ATP13A3: variants seen among roughly 807,000 people sequenced by gnomAD.
ATP13A3 encodes the protein polyamine-transporting ATPase 13A3.
Under a neutral mutation model 158.1 loss-of-function variants are expected in ATP13A3, and 59 were observed. The ratio of observed to expected loss-of-function variants is 0.37; its 90% confidence interval spans 0.30 to 0.46. The LOEUF (loss-of-function observed/expected upper bound fraction) is 0.46. Ranked by LOEUF, ATP13A3 falls within the 20% of genes least tolerant of loss-of-function variation. ATP13A3 has a pLI of 1.00. For synonymous variants in ATP13A3, 491 were observed against 504.3 expected (o/e 0.97, Z 0.35); for missense variants, 1,166 against 1,525.2 (o/e 0.76, Z 3.92).
In ATP13A3 at chr3:194,453,690, A is replaced by C. The variant is rs545696492; in HGVS notation, c.838+16T>G. ...GTATCTTTTTTGATTTATTCTTCCA[A>C]CATTCAATTACTTACCTTCATTTAC... On this transcript the variant is annotated intron_variant, in intron 10 of 33. Transcript: ENST00000645319. The C allele has an allele frequency of 6.3e-7, 1 of 1,598,470 alleles. No individual in the cohort carries two copies. Among genetic ancestry groups the C allele is most frequent in the African/African-American group, 1.3e-5 (1 of 74,634 alleles).
At chr3:194,434,652 C>T (rs551743028) in intron 20 of ATP13A3, among the ~76,000 whole-genome samples, 1 of 152,284 alleles carries the variant, frequency 6.6e-6, no homozygotes, top group East Asian at 1.9e-4. Context: ...CATTGTAGCT[C>T]ATGCCTGTAA....
At chr3:194,440,060 G>A (rs775403119) in intron 16 of ATP13A3, among the ~76,000 whole-genome samples, 3 of 152,132 alleles carry the variant, frequency 2.0e-5, no homozygotes, top group Admixed American at 6.5e-5. Flanking sequence ...CAAAATGTGG[G>A]TAGGGAGGGA....
chr3:194,459,663 T>C, intron 5 of ATP13A3, 122 bp from the exon 6 acceptor site: 1 of 1,142,128 alleles, frequency 8.8e-7, no homozygotes, highest in Admixed American at 2.6e-5. Flanking sequence ...TAATATGTAA[T>C]ATTTTATATG....
chr3:194,405,789 T>TC lies in ATP13A3; in HGVS notation c.*129dup. 1.4e-5 allele frequency: 13 copies of TC among 906,304 alleles called. No homozygotes were observed. The highest frequency in any genetic ancestry group is 2.0e-5 in the Non-Finnish European group (12 of 592,978). The allele number at this position is 906,304 out of a possible 1,614,324, so 56.1% of individuals were successfully genotyped here. On this transcript the variant is annotated 3_prime_UTR_variant, in exon 34 of 34. Coordinates refer to ENST00000645319, the MANE Select transcript of ATP13A3 (RefSeq NM_001367549.1). ...TTTATTTTAAGGAAGAGCAAAGCTGTCAAATAAGCTACTATATCAGAAGGG... is the reference window on the plus strand; with the variant it reads ...TTTATTTTAAGGAAGAGCAAAGCTGTCCAAATAAGCTACTATATCAGAAGGG...
In ATP13A3 at chr3:194,426,163, G is replaced by T. The variant is rs548145261; in HGVS notation, c.3126-634C>A. ...AGACTATGCTGCAAGTGAACTATGG[G>T]AAGATTCTCAAGAAAATTCCACCTC... On this transcript the variant is annotated intron_variant, in intron 29 of 33. Coordinates refer to ENST00000645319, the MANE Select transcript of ATP13A3 (RefSeq NM_001367549.1). Among the ~76,000 whole-genome samples, 12 of 151,958 alleles carry T rather than the reference G, an allele frequency of 7.9e-5. No homozygotes were observed. In the South Asian group the frequency reaches 2.5e-3, roughly 32 times the overall value.
rs1718550051 is a variant in ATP13A3 at position 194,448,337 on chromosome 3, C to T, written c.1150+120G>A. ...TCATGATCCGCCCACCTCGGCTTCC[C>T]AAAGTGCTGGGATTACAGGCGTTAG... On this transcript the variant is annotated intron_variant, in intron 12 of 33. Transcript: ENST00000645319. The surrounding 1 kb of genome is among the most constrained non-coding windows in gnomAD (Gnocchi z 4.0). The T allele has an allele frequency of 2.4e-6, 3 of 1,228,942 alleles. No individual in the cohort carries two copies. In the African/African-American group the frequency reaches 4.6e-5, roughly 19 times the overall value. 76.1% of individuals were successfully genotyped at this position (1,228,942 alleles called of 1,614,324 possible). A position where few individuals can be genotyped will look rare whatever the true frequency, so the allele number is the denominator to read the frequency against.
chr3:194,475,617 A>C (rs1720493595), intron 2 of ATP13A3, among the ~76,000 whole-genome samples: 1 of 152,214 alleles, frequency 6.6e-6, no homozygotes, highest in African/African-American at 2.4e-5. Context: ...CTATTGAAGA[A>C]GTTAATCACC....
At chr3:194,434,791 G>A (rs1717501557) in intron 20 of ATP13A3, among the ~76,000 whole-genome samples, 1 of 152,264 alleles carries the variant, frequency 6.6e-6, no homozygotes, top group South Asian at 2.1e-4. Context: ...ATGATGACAT[G>A]TGCCTGCAGT....
At chr3:194,406,171 C>T (rs1714915180) in intron 33 of ATP13A3, 55 bp from the exon 34 acceptor site, 1 of 1,569,820 alleles carries the variant, frequency 6.4e-7, no homozygotes, top group South Asian at 1.1e-5. Flanking sequence ...AAAGGCTTGT[C>T]GTTTTAAACA....
chr3:194,413,897 C>T (rs1212927489), intron 31 of ATP13A3, 58 bp from the exon 32 acceptor site: 4 of 1,401,466 alleles, frequency 2.9e-6, no homozygotes, highest in Non-Finnish European at 4.0e-6. Context: ...TATTATAGCA[C>T]TGTATCATAA....
chr3:194,455,950 A>G lies in ATP13A3; in HGVS notation c.573T>C (p.Tyr191=), dbSNP rs761614766. ...CTTTTACAGCAATTTCATTTACTCC[A>G]TAAAGCAGTTTTCTATAACAGGAAA... ...KGMHAYRKLL[Y]GVNEIAVKVP... Residue 191 remains tyrosine (Y), a synonymous_variant, in exon 8 of 34, where the codon TAT becomes TAC. Coordinates refer to ENST00000645319, the MANE Select transcript of ATP13A3 (RefSeq NM_001367549.1). The G allele has an allele frequency of 1.0e-5, 16 of 1,547,232 alleles. No homozygotes were observed. In the Admixed American group the frequency reaches 2.6e-4, roughly 25 times the overall value.
chr3:194,466,364 A>C (rs1719988727), intron 2 of ATP13A3, among the ~76,000 whole-genome samples: 2 of 152,344 alleles, frequency 1.3e-5, no homozygotes, highest in South Asian at 4.1e-4. Context: ...AATGAAAGAA[A>C]ACGGGGAGGA....
At chr3:194,472,488 T>C (rs1441709593) in intron 2 of ATP13A3, among the ~76,000 whole-genome samples, 1 of 152,188 alleles carries the variant, frequency 6.6e-6, no homozygotes, top group Non-Finnish European at 1.5e-5. Context: ...CACTAGGGGA[T>C]GTTCCAACAT....
intron 2 of ATP13A3, among the ~76,000 whole-genome samples, chr3:194,478,911 T>C (rs1272250646): frequency 6.6e-6 from 1 of 152,088 alleles, no homozygotes; most frequent in Non-Finnish European, 1.5e-5. Context: ...AAAACACTAT[T>C]AAATAGTTAG....
chr3:194,418,193 A>G (rs1716028928), intron 31 of ATP13A3, among the ~76,000 whole-genome samples: 1 of 152,234 alleles, frequency 6.6e-6, no homozygotes, highest in Non-Finnish European at 1.5e-5. Context: ...AAAGCTATAC[A>G]TAAAATTAAT....
At chr3:194,440,116 G>T (rs1037903257) in intron 16 of ATP13A3, among the ~76,000 whole-genome samples, 1 of 152,114 alleles carries the variant, frequency 6.6e-6, no homozygotes, top group African/African-American at 2.4e-5. Flanking sequence ...TCCTGTAAAT[G>T]TAAACAGAAA....
intron 2 of ATP13A3, among the ~76,000 whole-genome samples, chr3:194,464,600 A>G (rs1355202268): frequency 1.3e-5 from 2 of 151,986 alleles, no homozygotes; most frequent in African/African-American, 2.4e-5. Flanking sequence ...GTGTAAAGTA[A>G]TAACACCGTA....
chr3:194,431,335 C>A, intron 22 of ATP13A3, 109 bp from the exon 23 acceptor site: 1 of 1,264,142 alleles, frequency 7.9e-7, no homozygotes, highest in East Asian at 2.4e-5. Flanking sequence ...TGATATGTTC[C>A]ACAACATGAT....
At chr3:194,425,572 C>T (rs1296790441) in intron 29 of ATP13A3, 43 bp from the exon 30 acceptor site, 2 of 1,498,796 alleles carry the variant, frequency 1.3e-6, no homozygotes, top group Non-Finnish European at 1.8e-6. Context: ...AAACATAATA[C>T]TCATTTCCCA....
Sources: gnomAD v4.1 joint callset for allele counts (sites outside exome capture counted in the v4.1 genomes callset) on GRCh38, gnomAD v4.1.1 for gene constraint, Gnocchi (gnomAD v3.1) non-coding constraint, MANE v1.5 for transcripts, NCBI Gene and HGNC (gene_info 2026-07-23, HGNC 2026-07-21) for gene names.